The following ITK variants were observed in gnomAD, a reference collection of about 807,000 sequenced individuals.
ITK encodes IL2 inducible T cell kinase, also known as tyrosine-protein kinase ITK/TSK.
A neutral mutation model predicts 87.6 loss-of-function variants in ITK; 45 were observed. That is an observed-to-expected ratio of 0.51 (90% CI 0.40 to 0.66). The LOEUF is 0.66. Ranked by LOEUF, ITK falls within the 30% of genes least tolerant of loss-of-function variation. ITK has a pLI of 0.00. For missense variants in ITK, 605 were observed against 766.3 expected, an observed-to-expected ratio of 0.79 and a Z score of 2.48; for synonymous variants, 303 against 273.6, an observed-to-expected ratio of 1.11 and a Z score of -1.06.
At chr5:157,235,090 T>C (rs1754750982) in intron 8 of ITK, among the ~76,000 whole-genome samples, 2 of 152,232 alleles carry the variant, frequency 1.3e-5, no homozygotes, top group Non-Finnish European at 1.5e-5. Context: ...ACCTTGTAGT[T>C]GTTCAATAAA....
At chr5:157,250,181 T>C (rs1755113405) in intron 16 of ITK, among the ~76,000 whole-genome samples, 1 of 152,200 alleles carries the variant, frequency 6.6e-6, no homozygotes, top group South Asian at 2.1e-4. Context: ...ACAGAATAGT[T>C]TTACTGCACT....
At position 157,248,459 on chromosome 5, in the gene ITK, T is replaced by C. The variant is rs373625388; in HGVS notation, c.1634-391T>C. Among the ~76,000 whole-genome samples, 15 of 152,320 alleles carry C rather than the reference T, an allele frequency of 9.8e-5. 2 individuals carry two copies. The highest frequency in any genetic ancestry group is 6.5e-4 in the Admixed American group (10 of 15,302). On this transcript the variant is annotated intron_variant, in intron 15 of 16. Coordinates refer to ENST00000422843, the MANE Select transcript of ITK (RefSeq NM_005546.4). ...TCCCTCATTTTCATGTGCCATACTT[T>C]GGTTGGAGTCAAATCATAGCTGTCT...
chr5:157,193,322 AT>A (rs1753788103), intron 1 of ITK, among the ~76,000 whole-genome samples: 1 of 152,192 alleles, frequency 6.6e-6, no homozygotes, highest in Non-Finnish European at 1.5e-5. Flanking sequence ...CCAGGAAGTA[AT>A]ACCTTTAGGG....
At chr5:157,251,423 C>G (rs1243586134) in intron 16 of ITK, among the ~76,000 whole-genome samples, 1 of 152,102 alleles carries the variant, frequency 6.6e-6, no homozygotes, top group Non-Finnish European at 1.5e-5. Flanking sequence ...ATGTGTTTTG[C>G]AAAATTTTCT....
intron 1 of ITK, among the ~76,000 whole-genome samples, chr5:157,193,896 T>C (rs1753800568): frequency 6.6e-6 from 1 of 152,132 alleles, no homozygotes; most frequent in East Asian, 1.9e-4. Flanking sequence ...AAAACCACAA[T>C]AGTTAGCATC....
chr5:157,203,218 CTA>C (rs769861350), intron 1 of ITK, among the ~76,000 whole-genome samples: 1 of 152,234 alleles, frequency 6.6e-6, no homozygotes, highest in Non-Finnish European at 1.5e-5. Flanking sequence ...CTGTGAGAGT[CTA>C]TCATGTTCAT....
At chr5:157,199,985 A>C (rs562652620) in intron 1 of ITK, among the ~76,000 whole-genome samples, 1 of 152,282 alleles carries the variant, frequency 6.6e-6, no homozygotes, top group African/African-American at 2.4e-5. Context: ...GGGGTTTTGT[A>C]CATAGCAGAG....
At chr5:157,242,117 A>G (rs1341212598) in intron 11 of ITK, among the ~76,000 whole-genome samples, 1 of 152,220 alleles carries the variant, frequency 6.6e-6, no homozygotes, top group Non-Finnish European at 1.5e-5. Context: ...CCAGAACTGC[A>G]AGTTGAGAGC....
At chr5:157,236,296 A>T (rs540084518) in intron 8 of ITK, among the ~76,000 whole-genome samples, 1 of 152,090 alleles carries the variant, frequency 6.6e-6, no homozygotes, top group East Asian at 1.9e-4. Flanking sequence ...AGTCACTTGA[A>T]CCCAGGAAGT....
At chr5:157,228,037 C>A (rs1754572572) in intron 6 of ITK, among the ~76,000 whole-genome samples, 1 of 151,814 alleles carries the variant, frequency 6.6e-6, no homozygotes, top group South Asian at 2.1e-4. Context: ...GACAGGGTTT[C>A]AGCATATTGG....
intron 6 of ITK, among the ~76,000 whole-genome samples, chr5:157,225,539 T>G (rs1447001537): frequency 6.6e-6 from 1 of 152,104 alleles, no homozygotes; most frequent in Non-Finnish European, 1.5e-5. Flanking sequence ...GAATTTACAT[T>G]TTCAAGGTGC....
chr5:157,231,714 AC>A (rs1561660280), intron 7 of ITK, among the ~76,000 whole-genome samples: 1 of 152,296 alleles, frequency 6.6e-6, no homozygotes, highest in South Asian at 2.1e-4. Context: ...TAAAAAAAAA[AC>A]TTCATCCCTA....
intron 7 of ITK, among the ~76,000 whole-genome samples, chr5:157,232,004 T>A (rs35732681): frequency 0.016 from 2,491 of 152,334 alleles, 28 homozygotes; most frequent in Non-Finnish European, 0.027. Context: ...AAATTTCCAA[T>A]GTATACAAAA....
chr5:157,253,143 G>A lies in ITK; in HGVS notation c.*465G>A, dbSNP rs1219830255. On this transcript the variant is annotated 3_prime_UTR_variant, in exon 17 of 17. Transcript: ENST00000422843. Reference sequence around the variant, plus strand: ...TGGAGGCAAGGGGAACAAAGAGCATGAGTCTTTTTCCAAGAAAACTGGTGA... The same window carrying A: ...TGGAGGCAAGGGGAACAAAGAGCATAAGTCTTTTTCCAAGAAAACTGGTGA... 4.1e-5 allele frequency: 12 copies of A among 293,480 alleles called. No individual in the cohort carries two copies. Among genetic ancestry groups the A allele is most frequent in the Non-Finnish European group, 7.9e-5 (12 of 152,114 alleles). The allele number at this position is 293,480 out of a possible 1,614,324, so 18.2% of individuals were successfully genotyped here. A position where few individuals can be genotyped will look rare whatever the true frequency, so the allele number is the denominator to read the frequency against.
chr5:157,236,601 C>T (rs569098428), intron 8 of ITK, among the ~76,000 whole-genome samples: 4 of 152,098 alleles, frequency 2.6e-5, no homozygotes, highest in Non-Finnish European at 4.4e-5. Flanking sequence ...TTACTTAGGG[C>T]CCTCATTGTG....
chr5:157,185,843 CA>C (rs1202241499), intron 1 of ITK, among the ~76,000 whole-genome samples: 1 of 152,050 alleles, frequency 6.6e-6, no homozygotes, highest in East Asian at 1.9e-4. Context: ...GACCTGGTCT[CA>C]AAAATAAAAT....
intron 1 of ITK, among the ~76,000 whole-genome samples, chr5:157,204,310 C>T (rs1016332782): frequency 6.6e-6 from 1 of 152,210 alleles, no homozygotes; most frequent in African/African-American, 2.4e-5. Context: ...CCTGTAATCC[C>T]AGCACTTTGG....
intron 11 of ITK, 121 bp downstream of exon 11, chr5:157,241,841 T>C: frequency 1.4e-6 from 1 of 720,558 alleles, no homozygotes; most frequent in African/African-American, 1.7e-5. Flanking sequence ...ACAAGTGTAT[T>C]ATATATCTAG....
intron 1 of ITK, among the ~76,000 whole-genome samples, chr5:157,207,422 CCAGG>C (rs149001154): frequency 0.23 from 28,745 of 126,580 alleles, 3,786 homozygotes; most frequent in Middle Eastern, 0.33. Context: ...GCTCTGTCGC[CCAGG>C]CTGGAGTGCA....
Sources: allele counts gnomAD v4.1 joint callset (sites outside exome capture counted in the v4.1 genomes callset), GRCh38; gene constraint gnomAD v4.1.1; transcripts MANE v1.5; gene names NCBI Gene and HGNC (gene_info 2026-07-23, HGNC 2026-07-21).